Variants in DHX32 observed in about 807,000 individuals in gnomAD.
DHX32 encodes the protein DEAH-box helicase 32 (putative), also known as putative pre-mRNA-splicing factor ATP-dependent RNA helicase DHX32.
Under a neutral mutation model 70.0 loss-of-function variants are expected in DHX32, and 51 were observed. The ratio of observed to expected loss-of-function variants is 0.73; its 90% CI spans 0.58 to 0.92. The LOEUF (loss-of-function observed/expected upper bound fraction) is 0.92. DHX32 is among the 40% of genes least tolerant of loss of function. DHX32 has a pLI of 0.00. For missense variants in DHX32, 762 were observed against 891.8 expected, an observed-to-expected ratio of 0.85 and a Z score of 1.85; for synonymous variants, 310 against 315.3, an observed-to-expected ratio of 0.98 and a Z score of 0.18.
At chr10:125,862,980 A>T (rs1443520787) in intron 2 of DHX32, among the ~76,000 whole-genome samples, 4 of 152,014 alleles carry the variant, frequency 2.6e-5, no homozygotes, top group East Asian at 3.9e-4. Flanking sequence ...ATAAGTACGT[A>T]AAAAAAATAG....
At chr10:125,853,185 G>A (rs1265251333) in intron 4 of DHX32, 2 of 1,613,040 alleles carry the variant, frequency 1.2e-6, no homozygotes, top group African/African-American at 2.7e-5. Flanking sequence ...ATTCAATCAA[G>A]ATCAACTCTA....
At chr10:125,840,088 C>T (rs1450409909) in intron 8 of DHX32, among the ~76,000 whole-genome samples, 1 of 152,212 alleles carries the variant, frequency 6.6e-6, no homozygotes, top group Non-Finnish European at 1.5e-5. Context: ...TCTTTCAGAA[C>T]AAAGGAGGTA....
intron 6 of DHX32, 82 bp downstream of exon 6, chr10:125,852,186 CCATGCTTGTGTGCATTGCTGCGCAT>C: frequency 7.2e-7 from 1 of 1,380,638 alleles, no homozygotes; most frequent in Non-Finnish European, 9.7e-7. Flanking sequence ...AACGCCCCCT[CCATGCTTGTGTGCATTGCTGCGCAT>C]CATGTGAACT....
rs539124609 is a variant in DHX32 at position 125,840,941 on chromosome 10, A to G, written c.1599T>C (p.Cys533=). The change falls in exon 8 of 11, where the codon TGT becomes TGC. Residue 533 remains cysteine (C), a synonymous_variant. Coordinates refer to ENST00000284690, the MANE Select transcript of DHX32 (RefSeq NM_018180.3). ...CTTCGGGATGTAAAAATGTCTTCCA[A>G]CAAGTCAAGGCAGCCTCTTCAGCTC... The part of the protein sequence containing the change: ...PHGAEEAALT[C]WKTFLHPEGD... 1.1e-4 allele frequency: 185 copies of G among 1,612,508 alleles called. 3 individuals carry two copies. The South Asian group carries it at 1.9e-3, about 17-fold the overall frequency.
intron 8 of DHX32, among the ~76,000 whole-genome samples, chr10:125,840,345 C>G (rs1854836728): frequency 6.6e-6 from 1 of 152,236 alleles, no homozygotes; most frequent in Non-Finnish European, 1.5e-5. Flanking sequence ...ACCCTCTGCT[C>G]TCCTCTATCA....
At chr10:125,846,713 C>T (rs924205434) in intron 6 of DHX32, among the ~76,000 whole-genome samples, 1 of 152,210 alleles carries the variant, frequency 6.6e-6, no homozygotes, top group Non-Finnish European at 1.5e-5. Context: ...TTTTGTGCCA[C>T]GTGACAACAC....
At chr10:125,887,582 C>G (rs1007607962) in intron 1 of DHX32, among the ~76,000 whole-genome samples, 4 of 152,208 alleles carry the variant, frequency 2.6e-5, no homozygotes, top group African/African-American at 7.2e-5. Flanking sequence ...AAATTCTCCT[C>G]TTAAATTTCA....
intron 1 of DHX32, among the ~76,000 whole-genome samples, chr10:125,892,581 T>G (rs1944377833): frequency 6.6e-6 from 1 of 152,244 alleles, no homozygotes; most frequent in Non-Finnish European, 1.5e-5. Flanking sequence ...CCGGCCTTCG[T>G]GCCTCAGCCC....
chr10:125,868,798 G>C (rs1564830122), intron 1 of DHX32, among the ~76,000 whole-genome samples: 1 of 152,092 alleles, frequency 6.6e-6, no homozygotes, highest in Non-Finnish European at 1.5e-5. Context: ...GAATGAATGA[G>C]AATTATCCTT....
At chr10:125,839,967 C>T (rs112150717) in intron 8 of DHX32, among the ~76,000 whole-genome samples, 5 of 152,222 alleles carry the variant, frequency 3.3e-5, no homozygotes, top group African/African-American at 1.2e-4. Context: ...GCTGGCTCCA[C>T]TGACAACTTT....
Position 125,841,827 on chromosome 10 carries a change from C to G in DHX32, c.1459G>C (p.Asp487His). ...FGIIMSEFPL[D>H]PQLSKSILAS... ...AAGATAGACTTCGAGAGTTGTGGAT[C>G]AAGAGGAAACTCTGACATGATGATT... Residue 487 changes from aspartate (D) to histidine (H), a missense_variant, in exon 7 of 11, where the codon GAT (aspartate) becomes CAT (histidine). Transcript: ENST00000284690. 2 of 1,613,810 alleles carry G rather than the reference C, an allele frequency of 1.2e-6. No individual in the cohort carries two copies. The highest frequency in any genetic ancestry group is 1.7e-6 in the Non-Finnish European group (2 of 1,179,970).
At chr10:125,843,788 T>C (rs1292398780) in intron 6 of DHX32, among the ~76,000 whole-genome samples, 2 of 152,112 alleles carry the variant, frequency 1.3e-5, no homozygotes, top group African/African-American at 2.4e-5. Context: ...GCACCAGATA[T>C]AACTTCAGCC....
At chr10:125,854,271 A>G in intron 3 of DHX32, 68 bp from the exon 4 acceptor site, 1 of 1,459,136 alleles carries the variant, frequency 6.9e-7, no homozygotes, top group Non-Finnish European at 9.0e-7. Flanking sequence ...AAAATGTCTG[A>G]ATTACAAAAA....
At chr10:125,875,142 C>G (rs1333959271) in intron 1 of DHX32, among the ~76,000 whole-genome samples, 10 of 152,072 alleles carry the variant, frequency 6.6e-5, no homozygotes, top group Non-Finnish European at 1.3e-4. Context: ...TCACTTGAGC[C>G]CAGGATGTTG....
chr10:125,894,151 C>A (rs1489508644), intron 1 of DHX32, among the ~76,000 whole-genome samples: 2 of 152,248 alleles, frequency 1.3e-5, no homozygotes, highest in Non-Finnish European at 2.9e-5. Context: ...ACATACTGAA[C>A]ATGCCCGTGA....
chr10:125,864,876 G>GCTGAGAT (rs1399562654), intron 2 of DHX32, among the ~76,000 whole-genome samples: 1 of 131,282 alleles, frequency 7.6e-6, no homozygotes, highest in Non-Finnish European at 1.6e-5. Context: ...GTTGAAGTGA[G>GCTGAGAT]CTGAGATCGT....
rs954564580 is a variant in DHX32, at chr10:125,836,946, G to A, written c.2064-91C>T. On this transcript the variant is annotated intron_variant, in intron 10 of 10. Coordinates refer to ENST00000284690, the MANE Select transcript of DHX32 (RefSeq NM_018180.3). ...TGTCTGGGCACTTCCCATCCCTGGA[G>A]AATCTACCTGTAGAACCGGTATTTA... The A allele has an allele frequency of 2.8e-6, 3 of 1,083,282 alleles. No individual in the cohort carries two copies. In the Admixed American group the frequency reaches 6.3e-5, roughly 23 times the overall value. The allele number at this position is 1,083,282 out of a possible 1,614,324, so 67.1% of individuals were successfully genotyped here.
chr10:125,886,516 G>T (rs1944341950), intron 1 of DHX32, among the ~76,000 whole-genome samples: 1 of 152,256 alleles, frequency 6.6e-6, no homozygotes, highest in South Asian at 2.1e-4. Context: ...GTTTACTACT[G>T]CTGCATAGAG....
intron 10 of DHX32, 33 bp from the exon 11 acceptor site, chr10:125,836,888 A>T: frequency 6.2e-7 from 1 of 1,602,110 alleles, no homozygotes; most frequent in Non-Finnish European, 8.5e-7. Flanking sequence ...TGAGATTATG[A>T]GTGGGGAAGG....
Sources: gnomAD v4.1 joint callset for allele counts (sites outside exome capture counted in the v4.1 genomes callset) on GRCh38, gnomAD v4.1.1 for gene constraint, MANE v1.5 for transcripts, NCBI Gene and HGNC (gene_info 2026-07-23, HGNC 2026-07-21) for gene names.